The following EDIL3 variants were observed in gnomAD, a reference collection of about 807,000 sequenced individuals.
EDIL3 encodes EGF-like repeat and discoidin I-like domain-containing protein 3.
In EDIL3, 37 loss-of-function variants were observed where a neutral mutation model predicts 67.4. That is an observed-to-expected ratio of 0.55 (90% CI 0.42 to 0.72). The LOEUF (loss-of-function observed/expected upper bound fraction) is 0.72, where lower values mean the gene tolerates loss of function less well. Ranked by LOEUF, EDIL3 falls within the 30% of genes least tolerant of loss-of-function variation. The pLI is 0.00. For synonymous variants in EDIL3, 195 were observed against 196.3 expected, an observed-to-expected ratio of 0.99 and a Z score of 0.05; for missense variants, 527 against 586.3, an observed-to-expected ratio of 0.90 and a Z score of 1.04.
intron 5 of EDIL3, among the ~76,000 whole-genome samples, chr5:84,113,411 C>A (rs950400004): frequency 1.3e-5 from 2 of 152,160 alleles, no homozygotes; most frequent in Non-Finnish European, 2.9e-5. Context: ...TCTGACCTGA[C>A]ACCCTGCTGT....
Position 84,384,366 on chromosome 5 carries a change from G to A in EDIL3, c.9C>T (p.Arg3=), listed in dbSNP as rs1306347158. 2.5e-6 allele frequency: 4 copies of A among 1,612,796 alleles called. No individual in the cohort carries two copies. The highest frequency in any genetic ancestry group is 2.7e-5 in the African/African-American group (2 of 74,964). The change falls in exon 1 of 11, where the codon CGC becomes CGT. Residue 3 remains arginine (R), a synonymous_variant. Coordinates refer to ENST00000296591, the MANE Select transcript of EDIL3 (RefSeq NM_005711.5). ...CGACCAAGAGCCAGACGGCTACCGAGCGCTTCATGATCCCGTCTCCCGGAC... is the reference window on the plus strand; with the variant it reads ...CGACCAAGAGCCAGACGGCTACCGAACGCTTCATGATCCCGTCTCCCGGAC... The part of the protein sequence containing the change: MK[R]SVAVWLLVGL...
intron 1 of EDIL3, among the ~76,000 whole-genome samples, chr5:84,344,996 A>G (rs981412722): frequency 3.9e-5 from 6 of 152,176 alleles, no homozygotes; most frequent in African/African-American, 1.4e-4. Flanking sequence ...ATTGCTTACA[A>G]AGCATTTTAG....
chr5:84,082,460 G>GTGAA (rs1258431828), intron 6 of EDIL3, among the ~76,000 whole-genome samples: 9 of 152,190 alleles, frequency 5.9e-5, no homozygotes, highest in Admixed American at 5.9e-4. Context: ...ATGGTAGAAT[G>GTGAA]TGAATGAATT....
Position 84,010,081 on chromosome 5 carries a change from C to A in EDIL3, c.1138-46721G>T, listed in dbSNP as rs567706614. On this transcript the variant is annotated intron_variant, in intron 9 of 10. Transcript: ENST00000296591. ...GACTCAAAGCACAGTGTGGCAGATG[C>A]CAACATTCGTGCCTACAACAGTAAA... Among the ~76,000 whole-genome samples the A allele has an allele frequency of 3.9e-5, 6 of 152,314 alleles. No individual in the cohort carries two copies. In the South Asian group the frequency reaches 1.2e-3, roughly 32 times the overall value.
At position 84,117,592 on chromosome 5, in the gene EDIL3, T is replaced by A. The variant is rs184427746; in HGVS notation, c.470-10762A>T. Among the ~76,000 whole-genome samples the A allele has an allele frequency of 9.3e-4, 141 of 151,822 alleles. 2 individuals are homozygous for A. The highest frequency in any genetic ancestry group is 3.4e-3 in the Middle Eastern group (1 of 292). ...ACTTCTTATAAACATATTAAAAATA[T>A]ATGACAAATGCAAAGTTGTAAATAA... On this transcript the variant is annotated intron_variant, in intron 5 of 10. Coordinates refer to ENST00000296591, the MANE Select transcript of EDIL3 (RefSeq NM_005711.5).
At chr5:84,122,966 A>G (rs1457868116) in intron 5 of EDIL3, among the ~76,000 whole-genome samples, 1 of 151,930 alleles carries the variant, frequency 6.6e-6, no homozygotes, top group East Asian at 1.9e-4. Flanking sequence ...ATTCAGAATA[A>G]TTTTATAATG....
At chr5:84,368,712 T>A (rs958851328) in intron 1 of EDIL3, among the ~76,000 whole-genome samples, 2 of 151,194 alleles carry the variant, frequency 1.3e-5, no homozygotes, top group African/African-American at 4.9e-5. Flanking sequence ...AGAAAAAAAA[T>A]TTGCAAAACA....
At chr5:84,269,461 C>G (rs1745420323) in intron 1 of EDIL3, among the ~76,000 whole-genome samples, 1 of 152,000 alleles carries the variant, frequency 6.6e-6, no homozygotes. Flanking sequence ...AATATTATCT[C>G]AATAAAGAAT....
intron 2 of EDIL3, among the ~76,000 whole-genome samples, chr5:84,247,705 G>A (rs910495106): frequency 1.3e-5 from 2 of 152,046 alleles, no homozygotes; most frequent in Non-Finnish European, 2.9e-5. Flanking sequence ...ATAGGTAAAA[G>A]AGGATAAGAG....
At chr5:84,262,962 C>T (rs1319304910) in intron 1 of EDIL3, among the ~76,000 whole-genome samples, 2 of 151,852 alleles carry the variant, frequency 1.3e-5, no homozygotes, top group South Asian at 2.1e-4. Flanking sequence ...TGAGCCACCG[C>T]GCCCCTGGCC....
chr5:84,328,264 C>A (rs1746803535), intron 1 of EDIL3, among the ~76,000 whole-genome samples: 1 of 151,890 alleles, frequency 6.6e-6, no homozygotes, highest in Non-Finnish European at 1.5e-5. Flanking sequence ...TAAAGTTGTG[C>A]CTTAAGATGG....
At chr5:84,038,014 G>A (rs1324122473) in intron 9 of EDIL3, among the ~76,000 whole-genome samples, 4 of 78,096 alleles carry the variant, frequency 5.1e-5, no homozygotes, top group Non-Finnish European at 8.2e-5. Flanking sequence ...TTTTTTTTGA[G>A]ACAGGGTCTC....
chr5:83,987,865 G>GTGTGTA (rs756828001), intron 9 of EDIL3, among the ~76,000 whole-genome samples: 1 of 57,026 alleles, frequency 1.8e-5, no homozygotes, highest in African/African-American at 1.1e-4. Flanking sequence ...GTGTGTGTGT[G>GTGTGTA]TATGTATATA....
At chr5:84,108,224 T>G (rs975433231) in intron 5 of EDIL3, among the ~76,000 whole-genome samples, 4 of 151,972 alleles carry the variant, frequency 2.6e-5, no homozygotes, top group Non-Finnish European at 5.9e-5. Context: ...GTTAACCATA[T>G]TTTTAATTGT....
At chr5:84,050,197 CAAA>C (rs11335643) in intron 9 of EDIL3, among the ~76,000 whole-genome samples, 1,125 of 60,826 alleles carry the variant, frequency 0.018, 12 homozygotes, top group African/African-American at 0.065. Flanking sequence ...AACTCCATCT[CAAA>C]AAAAAAAAAA....
intron 1 of EDIL3, among the ~76,000 whole-genome samples, chr5:84,264,133 C>T (rs111464426): frequency 4.4e-4 from 67 of 152,230 alleles, no homozygotes; most frequent in African/African-American, 1.5e-3. Flanking sequence ...GTAGTCCCAG[C>T]TACTCGGGAG....
intron 9 of EDIL3, among the ~76,000 whole-genome samples, chr5:83,992,470 T>C (rs1271714757): frequency 1.3e-5 from 2 of 152,184 alleles, no homozygotes; most frequent in Non-Finnish European, 2.9e-5. Context: ...CGTCAATGAA[T>C]GGTTCAAAAT....
At chr5:84,018,013 C>T (rs1275893158) in intron 9 of EDIL3, among the ~76,000 whole-genome samples, 2 of 152,130 alleles carry the variant, frequency 1.3e-5, no homozygotes, top group Non-Finnish European at 2.9e-5. Flanking sequence ...TGGACATGAC[C>T]TTTCTTTCGC....
chr5:84,304,199 CAG>C (rs1298427572), intron 1 of EDIL3, among the ~76,000 whole-genome samples: 8 of 152,110 alleles, frequency 5.3e-5, no homozygotes, highest in Non-Finnish European at 8.8e-5. Context: ...CATTGAGTAA[CAG>C]GGGTGTTTCC....
Sources: gnomAD v4.1 joint callset for allele counts (sites outside exome capture counted in the v4.1 genomes callset) on GRCh38, gnomAD v4.1.1 for gene constraint, MANE v1.5 for transcripts, NCBI Gene and HGNC (gene_info 2026-07-23, HGNC 2026-07-21) for gene names.